The following HYDIN variants were observed in gnomAD, a reference collection of about 807,000 sequenced individuals.
The protein encoded by HYDIN is HYDIN axonemal central pair apparatus protein, also known as axonemal central pair apparatus protein HYDIN.
In HYDIN, 132 loss-of-function variants were observed where a neutral mutation model predicts 403.9. That is an observed-to-expected ratio of 0.33 (90% CI 0.28 to 0.38). The LOEUF (loss-of-function observed/expected upper bound fraction) is 0.38, where lower values mean the gene tolerates loss of function less well. Ranked by LOEUF, HYDIN falls within the 10% of genes least tolerant of loss-of-function variation. HYDIN has a pLI of 1.00. For synonymous variants in HYDIN, 1,202 were observed against 1,891.7 expected (o/e 0.64, Z 9.46); for missense variants, 2,827 against 5,009.5 (o/e 0.56, Z 13.15).
chr16:70,862,270 G>T lies in HYDIN; in HGVS notation c.11570-15C>A. 6.3e-7 allele frequency: 1 copy of T among 1,592,080 alleles called. No homozygotes were observed. Among genetic ancestry groups the T allele is most frequent in the Non-Finnish European group, 8.6e-7 (1 of 1,166,856 alleles). On this transcript the variant is annotated splice_polypyrimidine_tract_variant and intron_variant, in intron 68 of 85. Coordinates refer to ENST00000393567, the MANE Select transcript of HYDIN (RefSeq NM_001270974.2). ...TTGAGCTGAACCTGGGGACAGACAGGGAGTGGGTGATATTCTGCATTTGCA... is the reference window on the plus strand; with the variant it reads ...TTGAGCTGAACCTGGGGACAGACAGTGAGTGGGTGATATTCTGCATTTGCA...
At chr16:71,155,431 CG>C (rs2085728629) in intron 6 of HYDIN, among the ~76,000 whole-genome samples, 1 of 151,940 alleles carries the variant, frequency 6.6e-6, no homozygotes, top group Non-Finnish European at 1.5e-5. Context: ...CATAGACAAT[CG>C]GAACTGCTAG....
intron 21 of HYDIN, among the ~76,000 whole-genome samples, chr16:71,025,038 T>G (rs1229631612): frequency 6.6e-6 from 1 of 152,208 alleles, no homozygotes; most frequent in East Asian, 1.9e-4. Context: ...TAATTATAAT[T>G]ATCAATAATT....
At position 70,860,777 on chromosome 16, in the gene HYDIN, C is replaced by G; in HGVS notation, c.11902G>C (p.Glu3968Gln). 1 of 601,574 alleles carries G rather than the reference C, an allele frequency of 1.7e-6. No homozygotes were observed. Among genetic ancestry groups the G allele is most frequent in the South Asian group, 1.9e-5 (1 of 53,388 alleles). 37.3% of individuals were successfully genotyped at this position (601,574 alleles called of 1,614,324 possible). Reference protein sequence around the residue: ...DYISGHQRNPELRGSSGGALD... With the variant: ...DYISGHQRNPQLRGSSGGALD... ...GCTCCCCCACTGGACCCTCGGAGCT[C>G]TGGGTTGCGCTGATGGCCACTTATG... Residue 3968 changes from glutamate to glutamine, a missense_variant, in exon 70 of 86, where the codon GAG becomes CAG. Transcript: ENST00000393567.
At chr16:71,102,078 G>A (rs7195681) in intron 10 of HYDIN, among the ~76,000 whole-genome samples, 25,602 of 151,984 alleles carry the variant, frequency 0.17, 6,118 homozygotes, top group African/African-American at 0.53. Context: ...TGTAAAGTTT[G>A]AAATATGCAA....
At chr16:71,202,658 T>A (rs1156371374) in intron 1 of HYDIN, among the ~76,000 whole-genome samples, 1 of 152,206 alleles carries the variant, frequency 6.6e-6, no homozygotes, top group Non-Finnish European at 1.5e-5. Context: ...TTTTCTAACA[T>A]GAGAAAATGT....
At chr16:70,944,423 G>A (rs1311416202) in intron 41 of HYDIN, among the ~76,000 whole-genome samples, 1 of 152,226 alleles carries the variant, frequency 6.6e-6, no homozygotes, top group African/African-American at 2.4e-5. Context: ...AACAGGGCTG[G>A]GGAAAGACTA....
rs1249369136 is a variant in HYDIN at position 70,833,068 on chromosome 16, C to A, written c.13680-1G>T. The A allele has an allele frequency of 1.2e-6, 2 of 1,608,388 alleles. No individual in the cohort carries two copies. Among genetic ancestry groups the A allele is most frequent in the Non-Finnish European group, 1.7e-6 (2 of 1,177,782 alleles). ...AAATTTTTTGATGTCCCATTTAAAC[C>A]TTTTCCAAGAAAAAGAAGAAAAGAA... is the stretch of plus-strand genomic sequence containing the variant. On this transcript the variant is annotated splice_acceptor_variant, in intron 79 of 85. Transcript: ENST00000393567. LOFTEE classifies it high-confidence loss of function.
At chr16:70,986,429 G>A (rs572307088) in intron 27 of HYDIN, among the ~76,000 whole-genome samples, 22 of 152,322 alleles carry the variant, frequency 1.4e-4, no homozygotes, top group East Asian at 7.7e-4. Context: ...TGGAGACGAC[G>A]AAGGCAAGAG....
At chr16:70,872,907 C>T (rs1567742487) in intron 64 of HYDIN, among the ~76,000 whole-genome samples, 1 of 145,210 alleles carries the variant, frequency 6.9e-6, no homozygotes, top group Non-Finnish European at 1.5e-5. Context: ...TATCATCTAC[C>T]TACCCACTCA....
rs902251775 is a variant in HYDIN at position 71,067,445 on chromosome 16, G to A, written c.1975-55C>T. 98 of 1,071,424 alleles carry A rather than the reference G, an allele frequency of 9.1e-5. No homozygotes were observed. The Middle Eastern group carries it at 1.4e-3, about 16-fold the overall frequency. The allele number at this position is 1,071,424 out of a possible 1,614,324, so 66.4% of individuals were successfully genotyped here. A position where few individuals can be genotyped will look rare whatever the true frequency, so the allele number is the denominator to read the frequency against. On this transcript the variant is annotated intron_variant, in intron 14 of 85. Coordinates refer to ENST00000393567, the MANE Select transcript of HYDIN (RefSeq NM_001270974.2). The stretch of plus-strand genomic sequence containing the variant: ...TCGAAAAAGCACGTTCTCTCTACAC[G>A]GGGGAGGGGAGCCTCCGGAGGACTA...
chr16:71,186,756 A>G lies in HYDIN; in HGVS notation c.135+5T>C, dbSNP rs777860122. The G allele has an allele frequency of 1.2e-6, 2 of 1,609,826 alleles. No homozygotes were observed. Among genetic ancestry groups the G allele is most frequent in the East Asian group, 2.2e-5 (1 of 44,814 alleles). ...ATTTTACATATTAATTCCCGGATAC[A>G]TTACCATTCGGTTTACTTCTTCTTC... is the stretch of plus-strand genomic sequence containing the variant. On this transcript the variant is annotated splice_donor_5th_base_variant and intron_variant, in intron 2 of 85. Coordinates refer to ENST00000393567, the MANE Select transcript of HYDIN (RefSeq NM_001270974.2).
intron 10 of HYDIN, among the ~76,000 whole-genome samples, chr16:71,100,183 A>G (rs1049339995): frequency 2.6e-5 from 4 of 152,230 alleles, no homozygotes; most frequent in Non-Finnish European, 4.4e-5. Context: ...CATACTTGAA[A>G]ACTTCAAAGC....
At chr16:71,163,655 G>A (rs1383664558) in intron 5 of HYDIN, among the ~76,000 whole-genome samples, 1 of 152,170 alleles carries the variant, frequency 6.6e-6, no homozygotes, top group Non-Finnish European at 1.5e-5. Flanking sequence ...ACTGCAGGAT[G>A]TGCACCTGGA....
intron 9 of HYDIN, 43 bp downstream of exon 9, chr16:71,129,597 C>A: frequency 6.6e-7 from 1 of 1,524,596 alleles, no homozygotes; most frequent in South Asian, 1.3e-5. Flanking sequence ...CCTGTGCTCC[C>A]ACTTACATTT....
intron 84 of HYDIN, chr16:70,817,462 C>G (rs1386344537): frequency 6.6e-6 from 1 of 152,052 alleles, no homozygotes; most frequent in Non-Finnish European, 1.5e-5. Flanking sequence ...TCAGCTGGAG[C>G]TGGAGTGAGG....
At chr16:70,861,340 T>C (rs541178165) in intron 69 of HYDIN, among the ~76,000 whole-genome samples, 30 of 152,054 alleles carry the variant, frequency 2.0e-4, no homozygotes, top group African/African-American at 6.7e-4. Context: ...GGGGTCTCAG[T>C]GGTATGACTG....
At chr16:71,044,101 T>G (rs1418231689) in intron 18 of HYDIN, among the ~76,000 whole-genome samples, 1 of 149,110 alleles carries the variant, frequency 6.7e-6, no homozygotes, top group Non-Finnish European at 1.5e-5. Flanking sequence ...CAACTAACAG[T>G]TTATTTCTGC....
intron 85 of HYDIN, 130 bp downstream of exon 85, chr16:70,809,653 T>G (rs1567636774): frequency 5.5e-6 from 4 of 728,884 alleles, no homozygotes; most frequent in Non-Finnish European, 2.4e-6. Flanking sequence ...CTGAGGCAGG[T>G]GTCACCATGA....
intron 1 of HYDIN, among the ~76,000 whole-genome samples, chr16:71,228,872 C>G (rs990283399): frequency 6.6e-6 from 1 of 152,084 alleles, no homozygotes; most frequent in African/African-American, 2.4e-5. Context: ...TTTATTGCGG[C>G]ACTATTCACA....
Sources: gnomAD v4.1 joint callset for allele counts (sites outside exome capture counted in the v4.1 genomes callset) on GRCh38, gnomAD v4.1.1 for gene constraint, MANE v1.5 for transcripts, NCBI Gene and HGNC (gene_info 2026-07-23, HGNC 2026-07-21) for gene names.